The following LCLAT1 variants were observed in gnomAD, a reference collection of about 807,000 sequenced individuals.
LCLAT1 encodes 1-AGP acyltransferase 8.
In LCLAT1, 11 loss-of-function variants were observed where a neutral mutation model predicts 30.7. The ratio of observed to expected loss-of-function variants is 0.36; its 90% CI spans 0.23 to 0.59. LCLAT1 has a LOEUF of 0.59. LCLAT1 is among the 20% of genes least tolerant of loss of function. LCLAT1 has a pLI of 0.77. For synonymous variants in LCLAT1, 155 were observed against 151.3 expected (o/e 1.02, Z -0.18); for missense variants, 402 against 458.6 (o/e 0.88, Z 1.13).
intron 5 of LCLAT1, among the ~76,000 whole-genome samples, chr2:30,595,836 C>CCTAA (rs1216597647): frequency 6.6e-6 from 1 of 152,070 alleles, no homozygotes; most frequent in African/African-American, 2.4e-5. Flanking sequence ...GTGTTGTTCC[C>CCTAA]CTAACTATGT....
rs368829806 is a variant in LCLAT1 at position 30,475,398 on chromosome 2, A to G, written c.-5+28015A>G. Among the ~76,000 whole-genome samples, 8 of 152,238 alleles carry G rather than the reference A, an allele frequency of 5.3e-5. 1 individual carries two copies. The highest frequency in any genetic ancestry group is 1.9e-4 in the East Asian group (1 of 5,182). On this transcript the variant is annotated intron_variant, in intron 1 of 5. Transcript: ENST00000379509. ...GCTGCAAGGGGCAGTATTAAATGTA[A>G]TCTGGTATTATATGCTTTTTTTAAA...
At chr2:30,500,395 G>A (rs571710502) in intron 1 of LCLAT1, among the ~76,000 whole-genome samples, 1 of 152,226 alleles carries the variant, frequency 6.6e-6, no homozygotes, top group Non-Finnish European at 1.5e-5. Flanking sequence ...TTACCTCATT[G>A]CCTAGATAAG....
intron 3 of LCLAT1, among the ~76,000 whole-genome samples, chr2:30,543,956 A>T (rs1019218564): frequency 4.6e-5 from 7 of 151,908 alleles, no homozygotes; most frequent in South Asian, 2.1e-4. Flanking sequence ...TGCTTTTTTT[A>T]AAATTTTTTA....
intron 3 of LCLAT1, among the ~76,000 whole-genome samples, chr2:30,543,693 T>C (rs1316240301): frequency 1.3e-5 from 2 of 152,166 alleles, no homozygotes; most frequent in Admixed American, 1.3e-4. Context: ...GGCATCAAGT[T>C]GTTAATAATA....
chr2:30,480,740 T>C (rs1396347368), intron 1 of LCLAT1, among the ~76,000 whole-genome samples: 1 of 151,912 alleles, frequency 6.6e-6, no homozygotes, highest in East Asian at 1.9e-4. Context: ...GGCAATAGAG[T>C]GAGACTGTTT....
At chr2:30,589,808 C>T (rs138919905) in intron 5 of LCLAT1, among the ~76,000 whole-genome samples, 47 of 152,224 alleles carry the variant, frequency 3.1e-4, no homozygotes, top group African/African-American at 1.1e-3. Context: ...ACCTACTAAT[C>T]TTTTAGTTCG....
chr2:30,634,577 G>T (rs137972350), intron 5 of LCLAT1, among the ~76,000 whole-genome samples: 5 of 152,116 alleles, frequency 3.3e-5, no homozygotes, highest in African/African-American at 1.2e-4. Context: ...GTGAGCCGGC[G>T]ACAAGCGCAA....
intron 5 of LCLAT1, among the ~76,000 whole-genome samples, chr2:30,573,170 C>A (rs1184494313): frequency 6.6e-6 from 1 of 152,146 alleles, no homozygotes; most frequent in Non-Finnish European, 1.5e-5. Context: ...TGGCCCGCCC[C>A]CCTCTGCTTT....
chr2:30,472,183 G>C (rs1333080694), intron 1 of LCLAT1, among the ~76,000 whole-genome samples: 1 of 152,126 alleles, frequency 6.6e-6, no homozygotes, highest in Non-Finnish European at 1.5e-5. Flanking sequence ...TTTGTCCTTA[G>C]GGCTTACATG....
At chr2:30,461,937 AT>A (rs1232854702) in intron 1 of LCLAT1, among the ~76,000 whole-genome samples, 3 of 150,730 alleles carry the variant, frequency 2.0e-5, no homozygotes, top group Non-Finnish European at 4.4e-5. Flanking sequence ...CGCCCGGCTA[AT>A]TTTTTTGTGT....
In LCLAT1 at chr2:30,551,376, T is replaced by C. The variant is rs1664671639; in HGVS notation, c.365-10770T>C. Among the ~76,000 whole-genome samples the C allele has an allele frequency of 2.0e-5, 3 of 152,158 alleles. No individual in the cohort carries two copies. The South Asian group carries it at 6.2e-4, about 31-fold the overall frequency. Reference sequence around the variant, plus strand: ...CCATCTTTTTTCTTTTAACCACTTATTTTTTTGGCACTTTAAATTCTCCAG... The same window carrying C: ...CCATCTTTTTTCTTTTAACCACTTACTTTTTTGGCACTTTAAATTCTCCAG... On this transcript the variant is annotated intron_variant, in intron 3 of 5. Transcript: ENST00000379509.
intron 1 of LCLAT1, among the ~76,000 whole-genome samples, chr2:30,470,611 C>T (rs1682729959): frequency 6.6e-6 from 1 of 152,216 alleles, no homozygotes; most frequent in African/African-American, 2.4e-5. Flanking sequence ...TTAGGGTTTT[C>T]TCACTGTTAT....
intron 1 of LCLAT1, among the ~76,000 whole-genome samples, chr2:30,511,345 C>G (rs537901390): frequency 9.8e-5 from 15 of 152,294 alleles, no homozygotes; most frequent in African/African-American, 3.4e-4. Flanking sequence ...TCCTCATAGC[C>G]TGGTCAGACA....
chr2:30,543,925 T>C (rs1664272143), intron 3 of LCLAT1, among the ~76,000 whole-genome samples: 1 of 152,164 alleles, frequency 6.6e-6, no homozygotes, highest in African/African-American at 2.4e-5. Flanking sequence ...TTCCTAACTT[T>C]TATGTTCTTT....
chr2:30,588,129 A>G (rs1412672610), intron 5 of LCLAT1, among the ~76,000 whole-genome samples: 1 of 152,230 alleles, frequency 6.6e-6, no homozygotes, highest in Non-Finnish European at 1.5e-5. Context: ...AGCTGGCTGT[A>G]TAGGCCAGAA....
intron 5 of LCLAT1, among the ~76,000 whole-genome samples, chr2:30,589,548 T>A (rs1176866048): frequency 6.6e-6 from 1 of 152,286 alleles, no homozygotes; most frequent in East Asian, 1.9e-4. Context: ...AAATTAGACA[T>A]ACAACAGAGT....
intron 1 of LCLAT1, among the ~76,000 whole-genome samples, chr2:30,496,629 G>C (rs1684131228): frequency 6.6e-6 from 1 of 152,162 alleles, no homozygotes; most frequent in Non-Finnish European, 1.5e-5. Flanking sequence ...AAAGTGATTT[G>C]TAAACTCTGT....
At chr2:30,594,991 TGACTTTATTG>T (rs757719044) in intron 5 of LCLAT1, among the ~76,000 whole-genome samples, 8 of 152,228 alleles carry the variant, frequency 5.3e-5, no homozygotes, top group Non-Finnish European at 1.0e-4. Context: ...AATTGCCTGT[TGACTTTATTG>T]GTTTTGTCTT....
intron 5 of LCLAT1, among the ~76,000 whole-genome samples, chr2:30,592,869 A>G (rs1383677317): frequency 6.6e-6 from 1 of 152,208 alleles, no homozygotes; most frequent in Non-Finnish European, 1.5e-5. Context: ...ATGTGTAACA[A>G]TCAACTCAGA....
Sources: allele counts gnomAD v4.1 joint callset (sites outside exome capture counted in the v4.1 genomes callset), GRCh38; gene constraint gnomAD v4.1.1; transcripts MANE v1.5; gene names NCBI Gene and HGNC (gene_info 2026-07-23, HGNC 2026-07-21).